NEU3: variants seen among roughly 807,000 people sequenced by gnomAD.
The protein encoded by NEU3 is sialidase-3.
In NEU3, 10 loss-of-function variants were observed where a neutral mutation model predicts 11.4. That is an observed-to-expected ratio of 0.88 (90% CI 0.54 to 1.49). The LOEUF is 1.49. Among genes scored for constraint, NEU3 ranks in the 40% most tolerant of loss-of-function variants. The pLI is 0.00. For synonymous variants in NEU3, 212 were observed against 228.2 expected, an observed-to-expected ratio of 0.93 and a Z score of 0.64; for missense variants, 529 against 581.8, an observed-to-expected ratio of 0.91 and a Z score of 0.93.
chr11:75,013,300 G>C (rs1948967851), downstream of NEU3, among the ~76,000 whole-genome samples: 1 of 152,172 alleles, frequency 6.6e-6, no homozygotes, highest in Non-Finnish European at 1.5e-5. Context: ...AAAGGGTTTA[G>C]AAAACAGTGA....
chr11:74,982,422 A>T, the NEU3 span, among the ~76,000 whole-genome samples: 2 of 152,200 alleles, frequency 1.3e-5, no homozygotes, highest in Non-Finnish European at 2.9e-5. Flanking sequence ...ACGGCCTTAA[A>T]TTCATATGAA....
At chr11:74,987,059 T>C (rs965405836), upstream of NEU3, among the ~76,000 whole-genome samples, 16 of 152,224 alleles carry the variant, frequency 1.1e-4, no homozygotes, top group African/African-American at 3.9e-4. Flanking sequence ...TGATAATTGC[T>C]GTCTAGATTC....
At chr11:75,000,570 A>G (rs1279582716) in intron 2 of NEU3, among the ~76,000 whole-genome samples, 3 of 151,014 alleles carry the variant, frequency 2.0e-5, no homozygotes, top group Non-Finnish European at 1.5e-5. Context: ...TTTCCTTCCT[A>G]TTTAAGGCTG....
At chr11:74,980,779 G>A in the NEU3 span, among the ~76,000 whole-genome samples, 1 of 152,330 alleles carries the variant, frequency 6.6e-6, no homozygotes, top group East Asian at 1.9e-4. Flanking sequence ...ACTATGTCCT[G>A]GTTGTTGCTT....
chr11:74,992,227 A>G (rs898092803), intron 1 of NEU3, among the ~76,000 whole-genome samples: 6 of 152,204 alleles, frequency 3.9e-5, no homozygotes, highest in African/African-American at 1.4e-4. Context: ...CTTGATCTGG[A>G]TAGATGCCAC....
intron 2 of NEU3, among the ~76,000 whole-genome samples, chr11:75,000,844 G>T (rs1026844568): frequency 4.7e-5 from 7 of 150,406 alleles, no homozygotes; most frequent in African/African-American, 1.7e-4. Context: ...TCAGTATGTT[G>T]CCCGGGCTCC....
chr11:75,006,600 C>CT lies in NEU3; in HGVS notation c.*114dup, dbSNP rs1948903033. On this transcript the variant is annotated 3_prime_UTR_variant, in exon 3 of 3. Transcript: ENST00000294064. ...AAAAACTTAATATTCTGTTCCCTAC[C>CT]TTTTTTCACTTTTCCTCCTCCAAAG... is the stretch of plus-strand genomic sequence containing the variant. 4 of 1,321,338 alleles carry CT rather than the reference C, an allele frequency of 3.0e-6. No homozygotes were observed. The highest frequency in any genetic ancestry group is 1.5e-5 in the African/African-American group (1 of 67,612). The allele number at this position is 1,321,338 out of a possible 1,614,324, so 81.9% of individuals were successfully genotyped here. A position where few individuals can be genotyped will look rare whatever the true frequency, so the allele number is the denominator to read the frequency against.
downstream of NEU3, among the ~76,000 whole-genome samples, chr11:75,011,645 T>C (rs568845971): frequency 2.1e-4 from 32 of 152,244 alleles, no homozygotes; most frequent in African/African-American, 7.2e-4. Context: ...GCCAGTAGGG[T>C]CCTTCACTGT....
In NEU3 at chr11:75,007,669, C is replaced by T. The variant is rs1948912389; in HGVS notation, c.*1177C>T. On this transcript the variant is annotated 3_prime_UTR_variant, in exon 3 of 3. Coordinates refer to ENST00000294064, the MANE Select transcript of NEU3 (RefSeq NM_006656.6). ...TTGTGTAGGCCCATGGAAATCACTA[C>T]TTGTGAAGTAGAGATGCCTTTTTGT... is the stretch of plus-strand genomic sequence containing the variant. 1 of 152,188 alleles carries T rather than the reference C, an allele frequency of 6.6e-6. No individual in the cohort carries two copies. Among genetic ancestry groups the T allele is most frequent in the African/African-American group, 2.4e-5 (1 of 41,440 alleles). 9.4% of individuals were successfully genotyped at this position (152,188 alleles called of 1,614,324 possible).
chr11:74,993,492 C>T (rs1948753976), intron 1 of NEU3, among the ~76,000 whole-genome samples: 3 of 152,160 alleles, frequency 2.0e-5, no homozygotes, highest in South Asian at 4.1e-4. Context: ...GTGTGAGCCA[C>T]CACGCCCGGC....
Position 75,006,705 on chromosome 11 carries a change from G to A in NEU3, c.*213G>A. 2 of 555,374 alleles carry A rather than the reference G, an allele frequency of 3.6e-6. No individual in the cohort carries two copies. The highest frequency in any genetic ancestry group is 6.2e-6 in the Non-Finnish European group (2 of 323,880). The allele number at this position is 555,374 out of a possible 1,614,324, so 34.4% of individuals were successfully genotyped here. A position where few individuals can be genotyped will look rare whatever the true frequency, so the allele number is the denominator to read the frequency against. On this transcript the variant is annotated 3_prime_UTR_variant, in exon 3 of 3. Coordinates refer to ENST00000294064, the MANE Select transcript of NEU3 (RefSeq NM_006656.6). ...AGTTGGAAGACAAGGATGTGGTCCT[G>A]GCTCTGCCACTGGCTTGCTTTTGGA...
chr11:75,000,623 A>G (rs1181094126), intron 2 of NEU3, among the ~76,000 whole-genome samples: 1 of 142,824 alleles, frequency 7.0e-6, no homozygotes, highest in African/African-American at 2.6e-5. Context: ...TTGTTTATAC[A>G]TTTTTTTTTT....
At chr11:75,014,700 CAA>C (rs1250237691), downstream of NEU3, among the ~76,000 whole-genome samples, 1 of 151,690 alleles carries the variant, frequency 6.6e-6, no homozygotes, top group African/African-American at 2.4e-5. Context: ...CCTGTCTCAA[CAA>C]AAAAATACAA....
the NEU3 span, among the ~76,000 whole-genome samples, chr11:74,981,794 A>C: frequency 2.6e-5 from 4 of 152,214 alleles, no homozygotes; most frequent in Non-Finnish European, 5.9e-5. Flanking sequence ...AAGGCCTTTC[A>C]TGGGCTGGAT....
Position 75,006,139 on chromosome 11 carries a change from G to T in NEU3, c.1033G>T (p.Gly345Cys). Residue 345 changes from glycine (G) to cysteine (C), a missense_variant, in exon 3 of 3, where the codon GGC (glycine) becomes TGC (cysteine). Transcript: ENST00000294064. ...ACCCACCATTCAGCAGAGCTCTCCA[G>T]GCAGTTCACTGAGGCTGGAGGAGGA... ...DAPTIQQSSP[G>C]SSLRLEEEAG... The T allele has an allele frequency of 6.2e-7, 1 of 1,614,018 alleles. No individual in the cohort carries two copies. Among genetic ancestry groups the T allele is most frequent in the Non-Finnish European group, 8.5e-7 (1 of 1,179,894 alleles).
chr11:75,004,369 G>T, intron 2 of NEU3: 3 of 621,508 alleles, frequency 4.8e-6, no homozygotes, highest in Non-Finnish European at 8.6e-6. Flanking sequence ...ATTCTAAAGT[G>T]CTGGGATTAC....
chr11:75,009,854 T>G lies in NEU3; in HGVS notation c.*3362T>G, dbSNP rs992005082. On this transcript the variant is annotated 3_prime_UTR_variant, in exon 3 of 3. Coordinates refer to ENST00000294064, the MANE Select transcript of NEU3 (RefSeq NM_006656.6). ...GCTTAATTTGACTTGTTTCCCCTGG[T>G]CACCAGTCTCCCCTCCGATATTCAC... 6.6e-6 allele frequency: 1 copy of G among 152,248 alleles called. No homozygotes were observed. Among genetic ancestry groups the G allele is most frequent in the Non-Finnish European group, 1.5e-5 (1 of 68,108 alleles). 9.4% of individuals were successfully genotyped at this position (152,248 alleles called of 1,614,324 possible).
At position 75,007,612 on chromosome 11, in the gene NEU3, T is replaced by G. The variant is rs961145478; in HGVS notation, c.*1120T>G. 6.6e-6 allele frequency: 1 copy of G among 152,186 alleles called. No individual in the cohort carries two copies. The highest frequency in any genetic ancestry group is 1.5e-5 in the Non-Finnish European group (1 of 68,036). 9.4% of individuals were successfully genotyped at this position (152,186 alleles called of 1,614,324 possible). A position where few individuals can be genotyped will look rare whatever the true frequency, so the allele number is the denominator to read the frequency against. ...GAAGATCTTCACCATTAGGAAGATC[T>G]CTAGACCCCCAGATCTCAGAATCAG... On this transcript the variant is annotated 3_prime_UTR_variant, in exon 3 of 3. Transcript: ENST00000294064.
chr11:74,992,955 C>T (rs902094752), intron 1 of NEU3, among the ~76,000 whole-genome samples: 73 of 151,740 alleles, frequency 4.8e-4, no homozygotes, highest in African/African-American at 1.6e-3. Flanking sequence ...AGCAAAACTC[C>T]GTCTCAAAAG....
Sources: gnomAD v4.1 joint callset for allele counts (sites outside exome capture counted in the v4.1 genomes callset) on GRCh38, gnomAD v4.1.1 for gene constraint, MANE v1.5 for transcripts, NCBI Gene and HGNC (gene_info 2026-07-23, HGNC 2026-07-21) for gene names.